ERBB4: variants seen among roughly 807,000 people sequenced by gnomAD.
The protein encoded by ERBB4 is erb-b2 receptor tyrosine kinase 4, also known as receptor tyrosine-protein kinase erbB-4.
ERBB4 carries 42 observed loss-of-function variants against 158.0 expected under a neutral mutation model. The ratio of observed to expected loss-of-function variants is 0.27; its 90% CI spans 0.21 to 0.34. The LOEUF is 0.34. Among genes scored for constraint, ERBB4 ranks in the 10% least tolerant of loss-of-function variants. ERBB4 has a pLI of 1.00. For synonymous variants in ERBB4, 583 were observed against 558.7 expected, an observed-to-expected ratio of 1.04 and a Z score of -0.61; for missense variants, 1,333 against 1,624.1, an observed-to-expected ratio of 0.82 and a Z score of 3.08.
chr2:212,514,016 C>G lies in ERBB4; in HGVS notation c.82+24433G>C, dbSNP rs950940541. Among the ~76,000 whole-genome samples, 23 of 151,978 alleles carry G rather than the reference C, an allele frequency of 1.5e-4. 1 individual carries two copies. The highest frequency in any genetic ancestry group is 6.2e-4 in the South Asian group (3 of 4,816). ...TAATAAGAAGTGGTCTTAAATAGCT[C>G]CAAGTCATCTAAATTTCATAACAAA... is the stretch of plus-strand genomic sequence containing the variant. On this transcript the variant is annotated intron_variant, in intron 1 of 27. Coordinates refer to ENST00000342788, the MANE Select transcript of ERBB4 (RefSeq NM_005235.3).
chr2:211,398,571 G>A (rs2062969044), intron 25 of ERBB4, among the ~76,000 whole-genome samples: 1 of 152,106 alleles, frequency 6.6e-6, no homozygotes, highest in African/African-American at 2.4e-5. Context: ...CTCTAGGCAA[G>A]GTGGCTCATG....
intron 2 of ERBB4, among the ~76,000 whole-genome samples, chr2:212,062,399 CTTTTTTTTTTTTTTTTT>C (rs199535512): frequency 7.4e-5 from 6 of 81,302 alleles, no homozygotes; most frequent in African/African-American, 2.6e-4. Flanking sequence ...CTTGTCAATT[CTTTTTTTTTTTTTTTTT>C]TTTTTTTTTT....
intron 15 of ERBB4, among the ~76,000 whole-genome samples, chr2:211,663,896 GT>G (rs906347794): frequency 1.3e-5 from 2 of 150,278 alleles, no homozygotes; most frequent in African/African-American, 2.4e-5. Flanking sequence ...AGAACCAGTT[GT>G]TTTTTTTTGT....
chr2:211,423,836 C>T (rs2063563736), intron 23 of ERBB4, among the ~76,000 whole-genome samples: 1 of 151,628 alleles, frequency 6.6e-6, no homozygotes. Flanking sequence ...CCATAAAGGT[C>T]ACTAATGTTA....
intron 2 of ERBB4, among the ~76,000 whole-genome samples, chr2:211,986,516 C>T (rs1443381077): frequency 6.6e-6 from 1 of 152,140 alleles, no homozygotes; most frequent in Non-Finnish European, 1.5e-5. Context: ...ACTAAAAGCA[C>T]ACGTGAGAGG....
chr2:211,654,271 CA>C (rs1298776677), intron 16 of ERBB4, among the ~76,000 whole-genome samples: 2 of 152,160 alleles, frequency 1.3e-5, no homozygotes, highest in African/African-American at 4.8e-5. Flanking sequence ...ATGTAAATGT[CA>C]AACTTTCTCA....
rs543023751 is a variant in ERBB4, at chr2:211,562,191, C to T, written c.2302-103G>A. ...TGCTGATGATTTTTAAAAATGTACT[C>T]TTACTCAATGGAATCAATCAAAATG... On this transcript the variant is annotated intron_variant, in intron 19 of 27. Transcript: ENST00000342788. 3.3e-5 allele frequency: 30 copies of T among 922,962 alleles called. 1 individual carries two copies. The highest frequency in any genetic ancestry group is 2.0e-4 in the South Asian group (15 of 73,512). The allele number at this position is 922,962 out of a possible 1,614,324, so 57.2% of individuals were successfully genotyped here.
At chr2:211,807,321 G>C (rs976772890) in intron 3 of ERBB4, among the ~76,000 whole-genome samples, 12 of 152,108 alleles carry the variant, frequency 7.9e-5, no homozygotes, top group Non-Finnish European at 1.6e-4. Context: ...AGGCCCCTGG[G>C]TGTGACGTTT....
At chr2:212,078,632 G>A (rs2125461000) in intron 2 of ERBB4, among the ~76,000 whole-genome samples, 1 of 151,654 alleles carries the variant, frequency 6.6e-6, no homozygotes, top group Admixed American at 6.6e-5. Context: ...TGGTACTATG[G>A]GCTCATTGTA....
intron 20 of ERBB4, among the ~76,000 whole-genome samples, chr2:211,516,331 T>C (rs2066031915): frequency 6.6e-6 from 1 of 151,590 alleles, no homozygotes; most frequent in Non-Finnish European, 1.5e-5. Flanking sequence ...CTTCCCTTTT[T>C]TTTCTTTTTT....
rs866223670 is a variant in ERBB4, at chr2:211,860,984, T to A, written c.422-72825A>T. 1.1e-3 allele frequency among the ~76,000 whole-genome samples: 89 copies of A among 80,002 alleles called. 8 individuals are homozygous for A. Among genetic ancestry groups the A allele is most frequent in the Middle Eastern group, 6.1e-3 (1 of 164 alleles). 52.5% of individuals were successfully genotyped at this position (80,002 alleles called of 152,430 possible). On this transcript the variant is annotated intron_variant, in intron 3 of 27. Coordinates refer to ENST00000342788, the MANE Select transcript of ERBB4 (RefSeq NM_005235.3). Reference sequence around the variant, plus strand: ...AATATATAAATATATTTAAATATATTATATAATATAATATATTATATATTT... The same window carrying A: ...AATATATAAATATATTTAAATATATAATATAATATAATATATTATATATTT...
In ERBB4 at chr2:211,776,845, G is replaced by A. The variant is rs557012333; in HGVS notation, c.556+11180C>T. On this transcript the variant is annotated intron_variant, in intron 4 of 27. Coordinates refer to ENST00000342788, the MANE Select transcript of ERBB4 (RefSeq NM_005235.3). ...CTCAAGGTATTATATTAGTATTAGG[G>A]CAGAGGTTTAGTTACTCTATTTATT... Among the ~76,000 whole-genome samples, 8 of 152,212 alleles carry A rather than the reference G, an allele frequency of 5.3e-5. No individual in the cohort carries two copies. The South Asian group carries it at 1.0e-3, about 20-fold the overall frequency.
chr2:212,269,986 T>G (rs375055872), intron 1 of ERBB4, among the ~76,000 whole-genome samples: 1 of 151,814 alleles, frequency 6.6e-6, no homozygotes, highest in South Asian at 2.1e-4. Flanking sequence ...TTAGTGACTA[T>G]AGCACAGAGA....
Position 212,124,891 on chromosome 2 carries a change from G to A in ERBB4, c.95C>T (p.Thr32Met), listed in dbSNP as rs1463950609. Residue 32 changes from threonine to methionine, a missense_variant, in exon 2 of 28, where the codon ACG (threonine) becomes ATG (methionine). This residue lies in a region of ERBB4 where 438 missense variants were observed against 586.9 expected (regional missense o/e 0.75). Coordinates refer to ENST00000342788, the MANE Select transcript of ERBB4 (RefSeq NM_005235.3). The stretch of plus-strand genomic sequence containing the variant: ...AGAGAGAGAGCTCAGTTTATTCTCC[G>A]TTCCTGCACACACTGCAAAGACAAG... ...PSDSQSVCAG[T>M]ENKLSSLSDL... The A allele has an allele frequency of 9.3e-6, 15 of 1,614,046 alleles. No individual in the cohort carries two copies. Among genetic ancestry groups the A allele is most frequent in the Non-Finnish European group, 1.3e-5 (15 of 1,179,966 alleles).
intron 16 of ERBB4, among the ~76,000 whole-genome samples, chr2:211,641,067 T>C (rs2070567090): frequency 6.6e-6 from 1 of 152,182 alleles, no homozygotes; most frequent in Non-Finnish European, 1.5e-5. Flanking sequence ...TTTCTTTACA[T>C]ATTTGTTATT....
At chr2:212,532,440 GAAC>G (rs1479835138) in intron 1 of ERBB4, among the ~76,000 whole-genome samples, 25 of 152,128 alleles carry the variant, frequency 1.6e-4, no homozygotes, top group African/African-American at 5.8e-4. Context: ...ACTTCACTTG[GAAC>G]AACAACAACA....
chr2:211,450,766 G>A (rs951299462), intron 20 of ERBB4, among the ~76,000 whole-genome samples: 2 of 152,036 alleles, frequency 1.3e-5, no homozygotes, highest in African/African-American at 4.8e-5. Context: ...CCCTCCATAA[G>A]TCTCTAAACC....
chr2:212,201,286 T>C (rs1458794026), intron 1 of ERBB4, among the ~76,000 whole-genome samples: 1 of 152,140 alleles, frequency 6.6e-6, no homozygotes, highest in Admixed American at 6.5e-5. Flanking sequence ...TAGTGGAGCA[T>C]GGTGTTTTCC....
At chr2:212,529,110 T>A (rs566907754) in intron 1 of ERBB4, among the ~76,000 whole-genome samples, 1 of 152,268 alleles carries the variant, frequency 6.6e-6, no homozygotes, top group Non-Finnish European at 1.5e-5. Context: ...TCTATTCTTC[T>A]TTAAAGAAAG....
Sources: gnomAD v4.1 joint callset for allele counts (sites outside exome capture counted in the v4.1 genomes callset) on GRCh38, gnomAD v4.1.1 for gene constraint, gnomAD v4.1.1 regional missense constraint, MANE v1.5 for transcripts, NCBI Gene and HGNC (gene_info 2026-07-23, HGNC 2026-07-21) for gene names.